The following TRPV3 variants were observed in gnomAD, a reference collection of about 807,000 sequenced individuals.
The protein encoded by TRPV3 is transient receptor potential cation channel subfamily V member 3, also known as VRL-3.
Under a neutral mutation model 87.1 loss-of-function variants are expected in TRPV3, and 88 were observed. That is an observed-to-expected ratio of 1.01 (90% CI 0.85 to 1.21). The LOEUF is 1.21. Among genes scored for constraint, TRPV3 ranks in the 50% most tolerant of loss-of-function variants. TRPV3 has a pLI of 0.00. For missense variants in TRPV3, 1,054 were observed against 1,030.1 expected (o/e 1.02, Z -0.32); for synonymous variants, 438 against 423.3 (o/e 1.03, Z -0.43).
In TRPV3 at chr17:3,522,820, CAAAAAAA is replaced by C. The variant is rs772785322; in HGVS notation, c.1743+1371_1743+1377del. Among the ~76,000 whole-genome samples the C allele has an allele frequency of 1.2e-4, 8 of 64,740 alleles. No homozygotes were observed. In the South Asian group the frequency reaches 3.3e-3, roughly 27 times the overall value. 42.5% of individuals were successfully genotyped at this position (64,740 alleles called of 152,430 possible). On this transcript the variant is annotated intron_variant, in intron 13 of 17. Transcript: ENST00000576742. ...CAACAGAGCGAGACTCAGTCACAAA[CAAAAAAA>C]AAAAAAAAAAGCAAAAATTATTCTA...
chr17:3,517,066 A>C (rs2074189637), intron 15 of TRPV3, among the ~76,000 whole-genome samples: 1 of 151,872 alleles, frequency 6.6e-6, no homozygotes, highest in Non-Finnish European at 1.5e-5. Context: ...AATCACTTGA[A>C]CCTGGAGGTT....
At position 3,554,688 on chromosome 17, in the gene TRPV3, C is replaced by G. The variant is rs908672860; in HGVS notation, c.119+44G>C. ...GGGGGTGCCAGGCCCCCACTCGTGC[C>G]CCTCACAGTGCCGCAGTCCGTGTCC... On this transcript the variant is annotated intron_variant, in intron 2 of 17. Coordinates refer to ENST00000576742, the MANE Select transcript of TRPV3 (RefSeq NM_145068.4). 2.2e-6 allele frequency: 3 copies of G among 1,384,744 alleles called. No homozygotes were observed. The African/African-American group carries it at 4.3e-5, about 20-fold the overall frequency. 85.8% of individuals were successfully genotyped at this position (1,384,744 alleles called of 1,614,324 possible).
At position 3,519,058 on chromosome 17, in the gene TRPV3, C is replaced by T. The variant is rs575713847; in HGVS notation, c.1811-208G>A. Among the ~76,000 whole-genome samples the T allele has an allele frequency of 1.2e-4, 18 of 152,314 alleles. No individual in the cohort carries two copies. The South Asian group carries it at 3.3e-3, about 28-fold the overall frequency. Reference sequence around the variant, plus strand: ...GAAAGCCCTTCCACCTAACAAAGCCCAGAGTCTTCTCTCCTTCCTTTACCC... The same window carrying T: ...GAAAGCCCTTCCACCTAACAAAGCCTAGAGTCTTCTCTCCTTCCTTTACCC... On this transcript the variant is annotated intron_variant, in intron 14 of 17. Coordinates refer to ENST00000576742, the MANE Select transcript of TRPV3 (RefSeq NM_145068.4).
chr17:3,554,535 C>T (rs2074608038), intron 2 of TRPV3, 197 bp downstream of exon 2: 2 of 525,264 alleles, frequency 3.8e-6, no homozygotes, highest in East Asian at 3.2e-5. Context: ...ACACTGACTA[C>T]CCCAGCTCAG....
intron 6 of TRPV3, among the ~76,000 whole-genome samples, chr17:3,536,843 A>C (rs1275304706): frequency 6.6e-6 from 1 of 152,170 alleles, no homozygotes; most frequent in Non-Finnish European, 1.5e-5. Flanking sequence ...AGACCAGAGA[A>C]CTTCCAGATG....
chr17:3,514,711 C>T (rs750108920), intron 16 of TRPV3, 39 bp from the exon 17 acceptor site: 1 of 1,483,978 alleles, frequency 6.7e-7, no homozygotes, highest in Non-Finnish European at 9.4e-7. Context: ...TTCACCAGTG[C>T]CTCACTGAGT....
intron 15 of TRPV3, among the ~76,000 whole-genome samples, chr17:3,517,620 A>AG (rs2074194833): frequency 8.4e-5 from 2 of 23,912 alleles, no homozygotes; most frequent in African/African-American, 7.5e-5. Context: ...ACCCTGTCTC[A>AG]AAAAAAAAAA....
intron 6 of TRPV3, among the ~76,000 whole-genome samples, chr17:3,538,528 G>A (rs997155550): frequency 1.1e-4 from 16 of 151,524 alleles, no homozygotes; most frequent in African/African-American, 3.9e-4. Context: ...GAGTAAATGA[G>A]TATCTTTTAG....
rs1453629019 is a variant in TRPV3 at position 3,519,602 on chromosome 17, C to A, written c.1811-752G>T. On this transcript the variant is annotated intron_variant, in intron 14 of 17. Transcript: ENST00000576742. ...ATTAAATGGATGAATGGATGGATGA[C>A]TGGATGGATGGATGGATGGATGGAT... Among the ~76,000 whole-genome samples, 252 of 93,676 alleles carry A rather than the reference C, an allele frequency of 2.7e-3. 3 individuals carry two copies. The highest frequency in any genetic ancestry group is 3.5e-3 in the Non-Finnish European group (174 of 49,112). 61.5% of individuals were successfully genotyped at this position (93,676 alleles called of 152,430 possible). A position where few individuals can be genotyped will look rare whatever the true frequency, so the allele number is the denominator to read the frequency against.
chr17:3,526,580 T>G, intron 12 of TRPV3, among the ~76,000 whole-genome samples: 1 of 151,770 alleles, frequency 6.6e-6, no homozygotes, highest in East Asian at 1.9e-4. Context: ...ATGGGTAGAG[T>G]TGGCCATCAC....
At chr17:3,522,627 C>T (rs1425720429) in intron 13 of TRPV3, among the ~76,000 whole-genome samples, 1 of 150,584 alleles carries the variant, frequency 6.6e-6, no homozygotes, top group African/African-American at 2.4e-5. Flanking sequence ...GGAGACCAGC[C>T]TGGCCAACAT....
chr17:3,551,924 C>T (rs2074579376), intron 2 of TRPV3, among the ~76,000 whole-genome samples: 1 of 106,290 alleles, frequency 9.4e-6, no homozygotes, highest in Non-Finnish European at 1.9e-5. Context: ...GCTATGTCAC[C>T]CAGGCTAGAG....
At position 3,554,828 on chromosome 17, in the gene TRPV3, A is replaced by G. The variant is rs772675822; in HGVS notation, c.23T>C (p.Met8Thr). The change falls in exon 2 of 18, where the codon ATG becomes ACG. Residue 8 changes from methionine to threonine, a missense_variant. Coordinates refer to ENST00000576742, the MANE Select transcript of TRPV3 (RefSeq NM_145068.4). ...AACTCTCTTGCCCATGAGAGGCACCATCTCCTTGGGGTGGGCTTTCATGGC... is the reference window on the plus strand; with the variant it reads ...AACTCTCTTGCCCATGAGAGGCACCGTCTCCTTGGGGTGGGCTTTCATGGC... MKAHPKE[M>T]VPLMGKRVAA... 8 of 1,612,264 alleles carry G rather than the reference A, an allele frequency of 5.0e-6. No homozygotes were observed. The South Asian group carries it at 8.8e-5, about 18-fold the overall frequency.
chr17:3,525,006 T>C (rs571935290), intron 12 of TRPV3, among the ~76,000 whole-genome samples: 5 of 152,108 alleles, frequency 3.3e-5, no homozygotes, highest in Admixed American at 1.3e-4. Context: ...ACTTTTTAAA[T>C]CGTGGTGTTT....
Position 3,532,891 on chromosome 17 carries a change from A to G in TRPV3, c.831T>C (p.Ile277=), listed in dbSNP as rs774465839. The change falls in exon 8 of 18, where the codon ATT becomes ATC. Residue 277 remains isoleucine (I), a synonymous_variant. Transcript: ENST00000576742. ...ALAACTNQPE[I]VQLLMEHEQT... The stretch of plus-strand genomic sequence containing the variant: ...GCTCGTGCTCCATCAGCAGCTGCAC[A>G]ATCTCGGGCTGGTTGGTGCATGCTG... The G allele has an allele frequency of 6.8e-6, 11 of 1,614,058 alleles. No individual in the cohort carries two copies. The highest frequency in any genetic ancestry group is 4.5e-5 in the East Asian group (2 of 44,900).
intron 9 of TRPV3, 102 bp from the exon 10 acceptor site, chr17:3,529,097 C>A: frequency 7.5e-7 from 1 of 1,326,444 alleles, no homozygotes; most frequent in Non-Finnish European, 1.1e-6. Flanking sequence ...GCAGAAGGGG[C>A]CCATCATTAT....
At chr17:3,527,511 C>T (rs775779042) in intron 11 of TRPV3, among the ~76,000 whole-genome samples, 9 of 152,176 alleles carry the variant, frequency 5.9e-5, no homozygotes, top group Non-Finnish European at 1.2e-4. Context: ...GCAAACTCGT[C>T]CCAACCCTGT....
chr17:3,555,189 AGGGTGTCCC>A (rs2074615950), intron 1 of TRPV3, among the ~76,000 whole-genome samples: 1 of 152,094 alleles, frequency 6.6e-6, no homozygotes, highest in South Asian at 2.1e-4. Flanking sequence ...AGAGTCCAGC[AGGGTGTCCC>A]GGTAGAGACC....
chr17:3,554,542 TC>T (rs1390078340), intron 2 of TRPV3, 189 bp downstream of exon 2: 14 of 532,444 alleles, frequency 2.6e-5, no homozygotes, highest in Non-Finnish European at 4.6e-5. Flanking sequence ...CTACCCCAGC[TC>T]AGCCCCCTGA....
Sources: gnomAD v4.1 joint callset for allele counts (sites outside exome capture counted in the v4.1 genomes callset) on GRCh38, gnomAD v4.1.1 for gene constraint, MANE v1.5 for transcripts, NCBI Gene and HGNC (gene_info 2026-07-23, HGNC 2026-07-21) for gene names.